PLXDC1: variants seen among roughly 807,000 people sequenced by gnomAD.
PLXDC1 encodes plexin domain-containing protein 1.
Under a neutral mutation model 61.3 loss-of-function variants are expected in PLXDC1, and 39 were observed. That is an observed-to-expected ratio of 0.64 (90% CI 0.49 to 0.83). PLXDC1 has a LOEUF of 0.83. Among genes scored for constraint, PLXDC1 ranks in the 40% least tolerant of loss-of-function variants. The pLI is 0.00. For synonymous variants in PLXDC1, 212 were observed against 254.5 expected (o/e 0.83, Z 1.59); for missense variants, 596 against 666.5 (o/e 0.89, Z 1.17).
intron 1 of PLXDC1, among the ~76,000 whole-genome samples, chr17:39,147,000 G>A (rs951471002): frequency 7.0e-6 from 1 of 142,438 alleles, no homozygotes; most frequent in East Asian, 2.0e-4. Context: ...CTGTCACCCA[G>A]GCTGGAGTGT....
Position 39,108,885 on chromosome 17 carries a change from C to G in PLXDC1, c.469+19G>C, listed in dbSNP as rs773248481. ...TGAGGTCTCCAGACTCTCCCCGGGGCCCCACGACGTGGCCTTACCTCCAGT... is the reference window on the plus strand; with the variant it reads ...TGAGGTCTCCAGACTCTCCCCGGGGGCCCACGACGTGGCCTTACCTCCAGT... On this transcript the variant is annotated intron_variant, in intron 4 of 13. Transcript: ENST00000315392. 1.3e-6 allele frequency: 2 copies of G among 1,597,006 alleles called. No homozygotes were observed. Among genetic ancestry groups the G allele is most frequent in the Non-Finnish European group, 1.7e-6 (2 of 1,165,702 alleles).
At chr17:39,112,827 C>A (rs978508898) in intron 2 of PLXDC1, among the ~76,000 whole-genome samples, 4 of 152,140 alleles carry the variant, frequency 2.6e-5, no homozygotes, top group Non-Finnish European at 4.4e-5. Context: ...AAATCCTGGG[C>A]TATCTTATGA....
In PLXDC1 at chr17:39,151,571, G is replaced by C. The variant is rs906126291; in HGVS notation, c.-134C>G. On this transcript the variant is annotated 5_prime_UTR_variant, in exon 1 of 14. Coordinates refer to ENST00000315392, the MANE Select transcript of PLXDC1 (RefSeq NM_020405.5). This position sits in a 1 kb window ranked among gnomAD's most constrained non-coding sequence, Gnocchi z 5.2. ...GGGCGGCGAGGAGACGGCGGAGCGC[G>C]GGGCCGGGCGAGCCGGCAGGAGCGG... 1.7e-6 allele frequency: 2 copies of C among 1,189,512 alleles called. No individual in the cohort carries two copies. Among genetic ancestry groups the C allele is most frequent in the Non-Finnish European group, 2.1e-6 (2 of 960,526 alleles). 73.7% of individuals were successfully genotyped at this position (1,189,512 alleles called of 1,614,324 possible).
chr17:39,090,770 A>T (rs1909919389), intron 7 of PLXDC1, among the ~76,000 whole-genome samples: 2 of 152,200 alleles, frequency 1.3e-5, no homozygotes, highest in South Asian at 4.1e-4. Context: ...GGGCATTTTC[A>T]GCCTCTTCTA....
At chr17:39,087,200 C>T (rs1475562740) in intron 8 of PLXDC1, among the ~76,000 whole-genome samples, 1 of 152,220 alleles carries the variant, frequency 6.6e-6, no homozygotes, top group Non-Finnish European at 1.5e-5. Flanking sequence ...GCAGCATCAC[C>T]TCCTCTAAGG....
At chr17:39,152,385 C>T (rs1340753665), upstream of PLXDC1, 1 of 601,872 alleles carries the variant, frequency 1.7e-6, no homozygotes, top group Non-Finnish European at 2.4e-6. Context: ...GAGGAAATGG[C>T]TCACCCCACC....
rs868605101 is a variant in PLXDC1, at chr17:39,109,287, C to G, written c.360G>C (p.Lys120Asn). The G allele has an allele frequency of 4.3e-6, 7 of 1,613,058 alleles. No individual in the cohort carries two copies. The highest frequency in any genetic ancestry group is 5.1e-6 in the Non-Finnish European group (6 of 1,179,820). The change falls in exon 3 of 14, where the codon AAG becomes AAC. Residue 120 changes from lysine (K) to asparagine (N), a missense_variant. By Grantham distance (94) the Lys-to-Asn change is moderately conservative (BLOSUM62 0). Transcript: ENST00000315392. ...DVAEANRSQV[K>N]IHTILSNTHR... ...GGGTGTTGGAGAGTATTGTGTGGAT[C>G]TTCACTTGGCTCCGGTTGGCCTCGG...
chr17:39,100,230 CT>C (rs1190673133), intron 7 of PLXDC1, among the ~76,000 whole-genome samples: 1 of 152,082 alleles, frequency 6.6e-6, no homozygotes, highest in Non-Finnish European at 1.5e-5. Flanking sequence ...GTGACCCTGG[CT>C]AACACTTTTT....
intron 2 of PLXDC1, among the ~76,000 whole-genome samples, chr17:39,112,544 A>G (rs191332396): frequency 1.5e-5 from 2 of 134,038 alleles, no homozygotes; most frequent in East Asian, 4.3e-4. Context: ...TGCAATCTCT[A>G]CCTCCTGGGT....
rs1419922925 is a variant in PLXDC1, at chr17:39,128,097, G to GTATA, written c.255+11553_255+11556dup. Among the ~76,000 whole-genome samples the GTATA allele has an allele frequency of 1.3e-4, 9 of 67,496 alleles. 1 individual carries two copies. Among genetic ancestry groups the GTATA allele is most frequent in the East Asian group, 1.0e-3 (2 of 1,938 alleles). 44.3% of individuals were successfully genotyped at this position (67,496 alleles called of 152,430 possible). A position where few individuals can be genotyped will look rare whatever the true frequency, so the allele number is the denominator to read the frequency against. On this transcript the variant is annotated intron_variant, in intron 2 of 13. Coordinates refer to ENST00000315392, the MANE Select transcript of PLXDC1 (RefSeq NM_020405.5). ...TCTCTCTCTCTCTCTCTCTCTATGT[G>GTATA]TATATATATATATATATGTATATAT...
intron 6 of PLXDC1, among the ~76,000 whole-genome samples, chr17:39,107,076 G>A (rs1028125343): frequency 2.6e-5 from 4 of 152,114 alleles, no homozygotes; most frequent in Non-Finnish European, 5.9e-5. Flanking sequence ...TCCTGAACTC[G>A]TATTTATCCT....
At chr17:39,090,762 G>A (rs906924385) in intron 7 of PLXDC1, among the ~76,000 whole-genome samples, 1 of 152,186 alleles carries the variant, frequency 6.6e-6, no homozygotes, top group African/African-American at 2.4e-5. Flanking sequence ...AGACTCTAGG[G>A]CATTTTCAGC....
chr17:39,067,912 G>A lies in PLXDC1; in HGVS notation c.1431C>T (p.Asp477=). The A allele has an allele frequency of 6.2e-7, 1 of 1,613,942 alleles. No homozygotes were observed. The highest frequency in any genetic ancestry group is 8.5e-7 in the Non-Finnish European group (1 of 1,179,798). Residue 477 remains aspartate (D), a synonymous_variant, in exon 14 of 14, where the codon GAC becomes GAT. Coordinates refer to ENST00000315392, the MANE Select transcript of PLXDC1 (RefSeq NM_020405.5). Reference sequence around the variant, plus strand: ...GCTCCACCTCCGCATAGGTGGAATGGTCAGGGTGGCTGCGAAACTTCATGG... The same window carrying A: ...GCTCCACCTCCGCATAGGTGGAATGATCAGGGTGGCTGCGAAACTTCATGG... ...WPAMKFRSHP[D]HSTYAEVEPS...
intron 2 of PLXDC1, among the ~76,000 whole-genome samples, chr17:39,115,410 G>T (rs1373632099): frequency 6.6e-6 from 1 of 152,246 alleles, no homozygotes; most frequent in Admixed American, 6.5e-5. Context: ...CAGCTGGCCT[G>T]CCAGGGGGAG....
intron 2 of PLXDC1, among the ~76,000 whole-genome samples, chr17:39,121,512 G>A (rs933829656): frequency 2.7e-5 from 4 of 150,300 alleles, no homozygotes; most frequent in Non-Finnish European, 6.0e-5. Context: ...GCTGGCCATT[G>A]GGAAAAAGAG....
intron 2 of PLXDC1, among the ~76,000 whole-genome samples, chr17:39,110,816 T>C (rs573406465): frequency 6.6e-6 from 1 of 152,202 alleles, no homozygotes; most frequent in South Asian, 2.1e-4. Context: ...AGCGACACAA[T>C]CTGGAGACCT....
chr17:39,076,083 AAAAAAAAG>A (rs1909319794), intron 11 of PLXDC1, among the ~76,000 whole-genome samples: 1 of 86,524 alleles, frequency 1.2e-5, no homozygotes, highest in Admixed American at 1.1e-4. Flanking sequence ...GTCTGAAAAA[AAAAAAAAG>A]AAAAAAAAAA....
chr17:39,127,259 G>C (rs898749316), intron 2 of PLXDC1, among the ~76,000 whole-genome samples: 1 of 152,070 alleles, frequency 6.6e-6, no homozygotes, highest in African/African-American at 2.4e-5. Context: ...CCTCATCTGG[G>C]ACCTGAGGAG....
chr17:39,128,090 T>TGTATATATATATATATATATA (rs1567769465), intron 2 of PLXDC1, among the ~76,000 whole-genome samples: 2 of 78,876 alleles, frequency 2.5e-5, no homozygotes, highest in East Asian at 3.7e-4. Flanking sequence ...TCTCTCTCTC[T>TGTATATATATATATATATATA]CTATGTGTAT....
Sources: allele counts gnomAD v4.1 joint callset (sites outside exome capture counted in the v4.1 genomes callset), GRCh38; gene constraint gnomAD v4.1.1; non-coding constraint Gnocchi (gnomAD v3.1); transcripts MANE v1.5; gene names NCBI Gene and HGNC (gene_info 2026-07-23, HGNC 2026-07-21).